CTIF: variants seen among roughly 807,000 people sequenced by gnomAD.
CTIF encodes CBP80/20-dependent translation initiation factor.
Under a neutral mutation model 66.0 loss-of-function variants are expected in CTIF, and 21 were observed. The ratio of observed to expected loss-of-function variants is 0.32; its 90% CI spans 0.23 to 0.46. The LOEUF (loss-of-function observed/expected upper bound fraction) is 0.46. Among genes scored for constraint, CTIF ranks in the 20% least tolerant of loss-of-function variants. The pLI is 1.00. For synonymous variants in CTIF, 345 were observed against 326.4 expected, an observed-to-expected ratio of 1.06 and a Z score of -0.62; for missense variants, 739 against 812.7, an observed-to-expected ratio of 0.91 and a Z score of 1.10.
intron 7 of CTIF, among the ~76,000 whole-genome samples, chr18:48,748,031 C>G (rs1907417918): frequency 2.0e-5 from 3 of 152,030 alleles, no homozygotes; most frequent in Non-Finnish European, 4.4e-5. Flanking sequence ...GAGAAAGCAG[C>G]CCTTTCCACC....
intron 1 of CTIF, among the ~76,000 whole-genome samples, chr18:48,601,907 A>G (rs372571514): frequency 6.6e-6 from 1 of 152,242 alleles, no homozygotes; most frequent in South Asian, 2.1e-4. Flanking sequence ...GGTGTGTCAT[A>G]TCATAGCTCT....
chr18:48,729,202 C>G (rs892527948), intron 7 of CTIF, among the ~76,000 whole-genome samples: 13 of 152,306 alleles, frequency 8.5e-5, no homozygotes, highest in Non-Finnish European at 1.8e-4. Context: ...TGGAACACCC[C>G]TCTTACCCAG....
At chr18:48,574,446 T>C (rs1458398185) in intron 1 of CTIF, among the ~76,000 whole-genome samples, 1 of 152,234 alleles carries the variant, frequency 6.6e-6, no homozygotes, top group Non-Finnish European at 1.5e-5. Context: ...ACCATCCTTT[T>C]ATTATTTGCT....
At chr18:48,693,475 C>G (rs2091962157) in intron 6 of CTIF, among the ~76,000 whole-genome samples, 1 of 152,152 alleles carries the variant, frequency 6.6e-6, no homozygotes, top group Non-Finnish European at 1.5e-5. Context: ...TTAAATGTCC[C>G]CAGGGGCTGT....
intron 1 of CTIF, among the ~76,000 whole-genome samples, chr18:48,572,986 C>G (rs1405805107): frequency 6.6e-6 from 1 of 151,792 alleles, no homozygotes; most frequent in Non-Finnish European, 1.5e-5. Context: ...GAGCAAGACC[C>G]TGTCTTAAAA....
intron 6 of CTIF, among the ~76,000 whole-genome samples, chr18:48,674,255 C>T (rs568774728): frequency 2.0e-5 from 3 of 152,344 alleles, no homozygotes; most frequent in Non-Finnish European, 2.9e-5. Context: ...TGCAAATGCC[C>T]GAGCAAGTGC....
At chr18:48,565,719 C>A (rs2089265352) in intron 1 of CTIF, 2 of 152,270 alleles carry the variant, frequency 1.3e-5, no homozygotes, top group South Asian at 4.1e-4. Flanking sequence ...TGGCACACAA[C>A]CATGCAAGCT....
At chr18:48,717,067 G>A (rs1332810236) in intron 7 of CTIF, among the ~76,000 whole-genome samples, 1 of 152,188 alleles carries the variant, frequency 6.6e-6, no homozygotes, top group Non-Finnish European at 1.5e-5. Context: ...GCGATTGACC[G>A]TGACTGTGAT....
In CTIF at chr18:48,651,269, A is replaced by C. The variant is rs140142341; in HGVS notation, c.253-12483A>C. On this transcript the variant is annotated intron_variant, in intron 3 of 11. Transcript: ENST00000256413. ...AGACCCATCTCACGTGCAGAGACAC[A>C]CATATGCTCAAAATAAAGGGATGGA... 4.8e-4 allele frequency among the ~76,000 whole-genome samples: 73 copies of C among 152,358 alleles called. No homozygotes were observed. In the East Asian group the frequency reaches 0.013, roughly 26 times the overall value.
intron 3 of CTIF, among the ~76,000 whole-genome samples, chr18:48,639,859 A>ACACC (rs1380644511): frequency 6.6e-6 from 1 of 151,964 alleles, no homozygotes; most frequent in Non-Finnish European, 1.5e-5. Flanking sequence ...GCCCGTGGGG[A>ACACC]CACCCACCTG....
At chr18:48,607,928 T>C (rs945236976) in intron 1 of CTIF, among the ~76,000 whole-genome samples, 1 of 152,158 alleles carries the variant, frequency 6.6e-6, no homozygotes, top group African/African-American at 2.4e-5. Context: ...TATTTCTGTT[T>C]TGGACCTGGA....
rs1298818808 is a variant in CTIF, at chr18:48,702,507, G to A, written c.508-9112G>A. Among the ~76,000 whole-genome samples the A allele has an allele frequency of 2.0e-5, 3 of 152,230 alleles. No individual in the cohort carries two copies. In the East Asian group the frequency reaches 5.8e-4, roughly 29 times the overall value. ...CCTCTGGGATAGTATTGAGAGCAGA[G>A]CTTTTCAGAATGGGTAGAGTTTTAG... On this transcript the variant is annotated intron_variant, in intron 6 of 11. Transcript: ENST00000256413.
chr18:48,559,362 C>CA (rs1259814047), intron 1 of CTIF, among the ~76,000 whole-genome samples: 1 of 152,068 alleles, frequency 6.6e-6, no homozygotes, highest in African/African-American at 2.4e-5. Flanking sequence ...TACCACCCCC[C>CA]CCAATCCTAA....
In CTIF at chr18:48,636,812, G is replaced by C. The variant is rs996835124; in HGVS notation, c.252+127G>C. On this transcript the variant is annotated intron_variant, in intron 3 of 11. Coordinates refer to ENST00000256413, the MANE Select transcript of CTIF (RefSeq NM_014772.3). ...GAGTGCAGAGAGGTGGGAGAGGGGA[G>C]GGGGCATCTGTTCCCTGGAAAGCCC... The C allele has an allele frequency of 1.0e-5, 6 of 585,676 alleles. No individual in the cohort carries two copies. In the African/African-American group the frequency reaches 1.2e-4, roughly 11 times the overall value. The allele number at this position is 585,676 out of a possible 1,614,324, so 36.3% of individuals were successfully genotyped here.
chr18:48,620,165 G>A (rs1051835866), intron 2 of CTIF, among the ~76,000 whole-genome samples: 1 of 152,186 alleles, frequency 6.6e-6, no homozygotes, highest in African/African-American at 2.4e-5. Context: ...TCAAATACAA[G>A]TAGTTGTTGG....
chr18:48,734,264 A>G (rs2092480428), intron 7 of CTIF, among the ~76,000 whole-genome samples: 1 of 152,210 alleles, frequency 6.6e-6, no homozygotes. Context: ...ATACCAGGTT[A>G]GCTACATTAA....
chr18:48,593,114 T>C (rs2089921641), intron 1 of CTIF, among the ~76,000 whole-genome samples: 1 of 152,186 alleles, frequency 6.6e-6, no homozygotes, highest in South Asian at 2.1e-4. Flanking sequence ...GGTGGGAGCA[T>C]GGCAGCATTC....
At chr18:48,625,528 T>C (rs1461991256) in intron 2 of CTIF, among the ~76,000 whole-genome samples, 1 of 152,186 alleles carries the variant, frequency 6.6e-6, no homozygotes, top group Non-Finnish European at 1.5e-5. Context: ...ATCAGATGAG[T>C]GAGTTCATTT....
At chr18:48,665,205 C>T (rs527891968) in intron 5 of CTIF, among the ~76,000 whole-genome samples, 12 of 152,078 alleles carry the variant, frequency 7.9e-5, no homozygotes, top group Admixed American at 2.6e-4. Flanking sequence ...TGAGCCACCG[C>T]GCCCGGCCTG....
Sources: allele counts gnomAD v4.1 joint callset (sites outside exome capture counted in the v4.1 genomes callset), GRCh38; gene constraint gnomAD v4.1.1; transcripts MANE v1.5; gene names NCBI Gene and HGNC (gene_info 2026-07-23, HGNC 2026-07-21).